The following HYCC1 variants were observed in gnomAD, a reference collection of about 807,000 sequenced individuals.
HYCC1 encodes the protein hyccin PI4KA lipid kinase complex subunit 1, also known as hyccin.
the HYCC1 span, among the ~76,000 whole-genome samples, chr7:22,896,583 G>A: frequency 0.65 from 98,164 of 152,084 alleles, 31,692 homozygotes; most frequent in Non-Finnish European, 0.67. Context: ...TCTGCCCCTT[G>A]GTTTTTGCCT....
At chr7:22,902,133 T>G in the HYCC1 span, among the ~76,000 whole-genome samples, 1 of 152,032 alleles carries the variant, frequency 6.6e-6, no homozygotes, top group Non-Finnish European at 1.5e-5. Context: ...GTAACATATC[T>G]AGGAAACCTC....
the HYCC1 span, chr7:22,934,206 C>CTTTTTTTTTTTT: frequency 1.4e-4 from 14 of 100,164 alleles, 1 homozygote; most frequent in Non-Finnish European, 1.5e-4. Flanking sequence ...TCTTTTTTTT[C>CTTTTTTTTTTTT]TTTTTTTTTT....
chr7:22,951,173 G>C, the HYCC1 span, among the ~76,000 whole-genome samples: 1 of 151,906 alleles, frequency 6.6e-6, no homozygotes, highest in Admixed American at 6.6e-5. Context: ...ATGACGAAAA[G>C]TTGTGATTTC....
chr7:22,950,040 T>C, the HYCC1 span, among the ~76,000 whole-genome samples: 1 of 152,004 alleles, frequency 6.6e-6, no homozygotes. Flanking sequence ...CAAACAAACA[T>C]TTGTTACCTA....
At chr7:22,920,597 A>T in the HYCC1 span, among the ~76,000 whole-genome samples, 1 of 152,270 alleles carries the variant, frequency 6.6e-6, no homozygotes, top group East Asian at 1.9e-4. Context: ...GCTCGCAGAG[A>T]TATTTTACAA....
At chr7:22,972,879 G>A in the HYCC1 span, among the ~76,000 whole-genome samples, 1 of 152,166 alleles carries the variant, frequency 6.6e-6, no homozygotes, top group Non-Finnish European at 1.5e-5. Context: ...TGTGAGCATA[G>A]GTGGAGGGTG....
chr7:22,913,556 C>T, the HYCC1 span, among the ~76,000 whole-genome samples: 4 of 152,148 alleles, frequency 2.6e-5, no homozygotes, highest in South Asian at 2.1e-4. Flanking sequence ...GGCTGGTTCC[C>T]GCCTTAACTG....
At chr7:22,982,703 C>T in the HYCC1 span, among the ~76,000 whole-genome samples, 1 of 152,110 alleles carries the variant, frequency 6.6e-6, no homozygotes, top group Non-Finnish European at 1.5e-5. Flanking sequence ...TCATAGCTTC[C>T]TAGTCTTCTT....
the HYCC1 span, among the ~76,000 whole-genome samples, chr7:22,980,822 C>A: frequency 6.6e-6 from 1 of 152,142 alleles, no homozygotes; most frequent in African/African-American, 2.4e-5. Flanking sequence ...CAGCTGATTT[C>A]ATAACAGACT....
the HYCC1 span, among the ~76,000 whole-genome samples, chr7:22,901,430 T>C: frequency 6.6e-6 from 1 of 152,038 alleles, no homozygotes; most frequent in South Asian, 2.1e-4. Flanking sequence ...AACACACCAA[T>C]TAGAAGACGA....
At chr7:22,947,741 A>AG in the HYCC1 span, among the ~76,000 whole-genome samples, 2 of 151,606 alleles carry the variant, frequency 1.3e-5, no homozygotes, top group African/African-American at 2.4e-5. Flanking sequence ...TTAAAATTCT[A>AG]TTTTTTATGA....
chr7:22,930,387 GAAAAAGAAAAAA>G, the HYCC1 span, among the ~76,000 whole-genome samples: 10 of 98,838 alleles, frequency 1.0e-4, no homozygotes, highest in Admixed American at 4.1e-4. Context: ...AAAAGAAAAA[GAAAAAGAAAAAA>G]AAAAAAGAAA....
the HYCC1 span, among the ~76,000 whole-genome samples, chr7:23,004,895 T>G: frequency 6.6e-6 from 1 of 152,128 alleles, no homozygotes; most frequent in African/African-American, 2.4e-5. Context: ...AACCAGTGCC[T>G]CCCGGGTTCA....
the HYCC1 span, among the ~76,000 whole-genome samples, chr7:22,994,632 A>G: frequency 2.6e-5 from 4 of 152,168 alleles, no homozygotes; most frequent in Non-Finnish European, 4.4e-5. Flanking sequence ...AGCTGAGCTC[A>G]CATGGACACT....
chr7:22,927,043 C>G, the HYCC1 span, among the ~76,000 whole-genome samples: 2 of 152,174 alleles, frequency 1.3e-5, no homozygotes, highest in Admixed American at 1.3e-4. Flanking sequence ...CAAAACTGCT[C>G]AACTACATGG....
chr7:22,999,549 A>T, the HYCC1 span, among the ~76,000 whole-genome samples: 4 of 152,218 alleles, frequency 2.6e-5, no homozygotes, highest in Non-Finnish European at 4.4e-5. Context: ...ATATTCACTG[A>T]ACAGGATGTC....
the HYCC1 span, among the ~76,000 whole-genome samples, chr7:22,928,508 G>C: frequency 1.3e-5 from 2 of 152,162 alleles, no homozygotes; most frequent in African/African-American, 4.8e-5. Context: ...CAAAATCAAT[G>C]TGAAAAAATC....
the HYCC1 span, chr7:22,939,226 A>G: frequency 6.6e-6 from 1 of 152,156 alleles, no homozygotes; most frequent in Non-Finnish European, 1.5e-5. Context: ...TTATGTTTAT[A>G]TATTTGTGCT....
chr7:22,910,476 C>A, the HYCC1 span, among the ~76,000 whole-genome samples: 1 of 152,136 alleles, frequency 6.6e-6, no homozygotes. Context: ...AAACCTTTTT[C>A]TTTAATATTA....
Sources: gnomAD v4.1 joint callset for allele counts (sites outside exome capture counted in the v4.1 genomes callset) on GRCh38, gnomAD v4.1.1 for gene constraint, MANE v1.5 for transcripts, NCBI Gene and HGNC (gene_info 2026-07-23, HGNC 2026-07-21) for gene names.